The following DENND5A variants were observed in gnomAD, a reference collection of about 807,000 sequenced individuals.
The protein encoded by DENND5A is DENN domain-containing protein 5A.
DENND5A carries 64 observed loss-of-function variants against 140.3 expected under a neutral mutation model. The observed-to-expected ratio is 0.46, with a 90% CI of 0.37 to 0.56. DENND5A has a LOEUF of 0.56. DENND5A is among the 20% of genes least tolerant of loss of function. The pLI, the probability that DENND5A is intolerant of heterozygous loss-of-function variation, is 0.00. For synonymous variants in DENND5A, 605 were observed against 607.7 expected (o/e 1.00, Z 0.07); for missense variants, 1,292 against 1,593.8 (o/e 0.81, Z 3.22).
In DENND5A at chr11:9,231,715, CAAA is replaced by C. The variant is rs71062818; in HGVS notation, c.110-24086_110-24084del. Among the ~76,000 whole-genome samples, 27 of 78,950 alleles carry C rather than the reference CAAA, an allele frequency of 3.4e-4. No homozygotes were observed. In the East Asian group the frequency reaches 5.3e-3, roughly 16 times the overall value. The allele number at this position is 78,950 out of a possible 152,430, so 51.8% of individuals were successfully genotyped here. The stretch of plus-strand genomic sequence containing the variant: ...GGGCAACAAGAGCGAAACTCCGTCT[CAAA>C]AAAAAAAAAAAAAAGACTCTGGGAG... On this transcript the variant is annotated intron_variant, in intron 1 of 22. Coordinates refer to ENST00000328194, the MANE Select transcript of DENND5A (RefSeq NM_015213.4).
chr11:9,189,831 C>T lies in DENND5A; in HGVS notation c.1137+3663G>A, dbSNP rs149836653. 2.4e-4 allele frequency among the ~76,000 whole-genome samples: 37 copies of T among 152,098 alleles called. No individual in the cohort carries two copies. The East Asian group carries it at 2.9e-3, about 12-fold the overall frequency. On this transcript the variant is annotated intron_variant, in intron 5 of 22. Coordinates refer to ENST00000328194, the MANE Select transcript of DENND5A (RefSeq NM_015213.4). ...AATTTTGTGTTTTAAGTAGAGATGG[C>T]GTATCTCCACGTTGGTCAGGCTGGT... is the stretch of plus-strand genomic sequence containing the variant.
At chr11:9,211,704 C>T (rs956404372) in intron 1 of DENND5A, among the ~76,000 whole-genome samples, 4 of 151,702 alleles carry the variant, frequency 2.6e-5, no homozygotes, top group Admixed American at 6.6e-5. Context: ...GAGGCCGAGG[C>T]GGGAAGATCA....
At chr11:9,193,866 T>C (rs1200190404) in intron 4 of DENND5A, among the ~76,000 whole-genome samples, 185 bp from the exon 5 acceptor site, 4 of 152,208 alleles carry the variant, frequency 2.6e-5, no homozygotes, top group African/African-American at 9.6e-5. Context: ...AAGAGACCCT[T>C]GTGGACCACA....
intron 12 of DENND5A, among the ~76,000 whole-genome samples, chr11:9,153,645 A>G (rs1443220059): frequency 6.6e-6 from 1 of 152,194 alleles, no homozygotes; most frequent in Non-Finnish European, 1.5e-5. Flanking sequence ...ATAAGTTGTT[A>G]GTGCAGGCCA....
Position 9,145,742 on chromosome 11 carries a change from G to A in DENND5A, c.2931C>T (p.Ile977=). 1 of 1,614,156 alleles carries A rather than the reference G, an allele frequency of 6.2e-7. No individual in the cohort carries two copies. Among genetic ancestry groups the A allele is most frequent in the Non-Finnish European group, 8.5e-7 (1 of 1,179,996 alleles). The change falls in exon 17 of 23, where the codon ATC becomes ATT. Residue 977 remains isoleucine, a synonymous_variant. Coordinates refer to ENST00000328194, the MANE Select transcript of DENND5A (RefSeq NM_015213.4). The stretch of plus-strand genomic sequence containing the variant: ...TCTCACCCAATTCTCCTGATATACA[G>A]ATCCATGGGTTGGCAGTGAACATGG... ...GGSMFTANPW[I]CISGELGETQ...
At chr11:9,163,176 G>A (rs1454942517) in intron 11 of DENND5A, among the ~76,000 whole-genome samples, 1 of 151,986 alleles carries the variant, frequency 6.6e-6, no homozygotes, top group Non-Finnish European at 1.5e-5. Context: ...TCCAGTTTGG[G>A]GCTATTAAAA....
intron 12 of DENND5A, among the ~76,000 whole-genome samples, chr11:9,156,246 G>A (rs534446203): frequency 3.9e-5 from 6 of 152,232 alleles, no homozygotes; most frequent in Non-Finnish European, 7.4e-5. Context: ...AGCAAGAACA[G>A]ATCCTCACTC....
At chr11:9,140,345 A>G in intron 22 of DENND5A, 1 of 555,482 alleles carries the variant, frequency 1.8e-6, no homozygotes, top group South Asian at 1.6e-5. Flanking sequence ...TCACATGGCT[A>G]GTAAATGGAT....
chr11:9,226,787 A>G (rs1252962016), intron 1 of DENND5A, among the ~76,000 whole-genome samples: 3 of 152,144 alleles, frequency 2.0e-5, no homozygotes, highest in African/African-American at 4.8e-5. Flanking sequence ...ACCATGTCCT[A>G]CAAATATTAC....
At position 9,263,654 on chromosome 11, in the gene DENND5A, A is replaced by T. The variant is rs1250946252; in HGVS notation, c.109+1307T>A. Among the ~76,000 whole-genome samples the T allele has an allele frequency of 5.5e-5, 8 of 145,160 alleles. No homozygotes were observed. In the East Asian group the frequency reaches 1.6e-3, roughly 30 times the overall value. ...TCAGGAGATCGAGACCATCCTGGCT[A>T]ACAAGGTGAAACCCCGTCTCTACTA... On this transcript the variant is annotated intron_variant, in intron 1 of 22. Transcript: ENST00000328194.
chr11:9,194,475 G>A (rs1342244519), intron 4 of DENND5A, among the ~76,000 whole-genome samples: 3 of 151,364 alleles, frequency 2.0e-5, no homozygotes, highest in African/African-American at 2.4e-5. Context: ...AGGCTGAGAC[G>A]TAAGAATTGC....
intron 1 of DENND5A, among the ~76,000 whole-genome samples, chr11:9,262,952 C>T (rs1379893230): frequency 1.3e-5 from 2 of 151,716 alleles, no homozygotes; most frequent in African/African-American, 2.4e-5. Flanking sequence ...CCTGTAAGCC[C>T]GGATGGTCTC....
chr11:9,203,503 T>G, intron 4 of DENND5A, 157 bp downstream of exon 4: 1 of 725,622 alleles, frequency 1.4e-6, no homozygotes, highest in East Asian at 2.8e-5. Flanking sequence ...GGCCCTCTCA[T>G]GTCTATCAAT....
Position 9,180,915 on chromosome 11 carries a change from T to C in DENND5A, c.1307A>G (p.Lys436Arg). ...LHCSESASKL[K>R]RLRASELVSD... ...GACAAGCTCAGAGGCCCGCAGCCTC[T>C]TCAGCTTGGAGGCACTCTCACTGCA... is the stretch of plus-strand genomic sequence containing the variant. Residue 436 changes from lysine (K) to arginine (R), a missense_variant, in exon 6 of 23, where the codon AAG becomes AGG. Transcript: ENST00000328194. 1.2e-6 allele frequency: 2 copies of C among 1,614,174 alleles called. No individual in the cohort carries two copies. The highest frequency in any genetic ancestry group is 1.7e-6 in the Non-Finnish European group (2 of 1,180,038).
rs79256514 is a variant in DENND5A at position 9,229,018 on chromosome 11, G to A, written c.110-21386C>T. Among the ~76,000 whole-genome samples, 260 of 152,304 alleles carry A rather than the reference G, an allele frequency of 1.7e-3. 4 individuals are homozygous for A. In the East Asian group the frequency reaches 0.032, roughly 19 times the overall value. ...ATAGCAGGTTGGTCAAAGTACAGACGGGCGGCAATCTGGGACTTTACTGGC... is the reference window on the plus strand; with the variant it reads ...ATAGCAGGTTGGTCAAAGTACAGACAGGCGGCAATCTGGGACTTTACTGGC... On this transcript the variant is annotated intron_variant, in intron 1 of 22. Coordinates refer to ENST00000328194, the MANE Select transcript of DENND5A (RefSeq NM_015213.4).
At chr11:9,252,288 T>A (rs1410775104) in intron 1 of DENND5A, among the ~76,000 whole-genome samples, 2 of 93,848 alleles carry the variant, frequency 2.1e-5, no homozygotes, top group Non-Finnish European at 4.0e-5. Context: ...AGAGCAAGAC[T>A]CCGTCTCAAA....
At chr11:9,224,109 G>A (rs917453581) in intron 1 of DENND5A, among the ~76,000 whole-genome samples, 1 of 151,964 alleles carries the variant, frequency 6.6e-6, no homozygotes, top group Non-Finnish European at 1.5e-5. Flanking sequence ...CAGGAGAATC[G>A]CTTGAACCTG....
At chr11:9,197,522 C>G (rs957509335) in intron 4 of DENND5A, among the ~76,000 whole-genome samples, 3 of 151,158 alleles carry the variant, frequency 2.0e-5, no homozygotes, top group African/African-American at 7.3e-5. Flanking sequence ...ATGGCAAATC[C>G]CATCTCTGCT....
intron 8 of DENND5A, among the ~76,000 whole-genome samples, chr11:9,174,102 CAAAAAAAAAAAAAA>C (rs57703622): frequency 3.6e-4 from 15 of 42,148 alleles, no homozygotes; most frequent in Non-Finnish European, 2.9e-4. Context: ...GACTCCGTCT[CAAAAAAAAAAAAAA>C]AAAAAAAAAA....
Sources: allele counts gnomAD v4.1 joint callset (sites outside exome capture counted in the v4.1 genomes callset), GRCh38; gene constraint gnomAD v4.1.1; transcripts MANE v1.5; gene names NCBI Gene and HGNC (gene_info 2026-07-23, HGNC 2026-07-21).